Variants in PCLO observed in about 807,000 individuals in gnomAD.
PCLO encodes piccolo presynaptic cytomatrix protein.
PCLO carries 82 observed loss-of-function variants against 427.5 expected under a neutral mutation model. The observed-to-expected ratio is 0.19, with a 90% CI of 0.16 to 0.23. PCLO has a LOEUF of 0.23. PCLO is among the 10% of genes least tolerant of loss of function. The pLI is 1.00. For synonymous variants in PCLO, 2,357 were observed against 2,155.4 expected, an observed-to-expected ratio of 1.09 and a Z score of -2.59; for missense variants, 6,239 against 6,115.9, an observed-to-expected ratio of 1.02 and a Z score of -0.67.
intron 3 of PCLO, among the ~76,000 whole-genome samples, chr7:83,116,874 G>A (rs1373326325): frequency 6.6e-6 from 1 of 152,110 alleles, no homozygotes; most frequent in African/African-American, 2.4e-5. Flanking sequence ...GGGAGGTAAT[G>A]TGGTATTTAC....
intron 22 of PCLO, among the ~76,000 whole-genome samples, chr7:82,784,198 C>G (rs1405678042): frequency 6.6e-6 from 1 of 152,158 alleles, no homozygotes; most frequent in Non-Finnish European, 1.5e-5. Context: ...AATACTGTCC[C>G]ACACCATGTT....
At chr7:82,967,241 T>A (rs1051821655) in intron 3 of PCLO, among the ~76,000 whole-genome samples, 4 of 149,644 alleles carry the variant, frequency 2.7e-5, no homozygotes, top group Non-Finnish European at 1.5e-5. Flanking sequence ...AATGGTGCGA[T>A]CTCGGCTCGC....
chr7:83,004,831 A>T (rs1238631250), intron 3 of PCLO, among the ~76,000 whole-genome samples: 2 of 151,728 alleles, frequency 1.3e-5, no homozygotes, highest in African/African-American at 2.4e-5. Context: ...TCAATAGCAC[A>T]AAACACATAA....
intron 3 of PCLO, among the ~76,000 whole-genome samples, chr7:83,041,049 T>A (rs1361568265): frequency 6.6e-6 from 1 of 152,212 alleles, no homozygotes; most frequent in Non-Finnish European, 1.5e-5. Context: ...AAAACATAAT[T>A]ATTTTGTCTT....
At chr7:82,907,155 T>C (rs1446542805) in intron 8 of PCLO, among the ~76,000 whole-genome samples, 1 of 151,990 alleles carries the variant, frequency 6.6e-6, no homozygotes, top group African/African-American at 2.4e-5. Flanking sequence ...CAAAGAATAT[T>C]AGTTTGATAA....
intron 6 of PCLO, among the ~76,000 whole-genome samples, chr7:82,948,416 T>C (rs1440889092): frequency 1.3e-5 from 2 of 152,184 alleles, no homozygotes; most frequent in African/African-American, 4.8e-5. Flanking sequence ...TCATATATCA[T>C]GACATATTTT....
chr7:82,915,625 A>G lies in PCLO; in HGVS notation c.12361T>C (p.Leu4121=), dbSNP rs1794431886. ...TTAATCTGATGTTTCAGAAGCTTTA[A>G]CTCGTAAGGATCCTCCATTGGGTCT... The part of the protein sequence containing the change: ...EEDPMEDPYE[L]KLLKHQIKQE... The change falls in exon 7 of 25, where the codon TTA becomes CTA. Residue 4121 remains leucine (L), a synonymous_variant. Coordinates refer to ENST00000333891, the MANE Select transcript of PCLO (RefSeq NM_033026.6). The G allele has an allele frequency of 6.2e-7, 1 of 1,613,326 alleles. No homozygotes were observed. The highest frequency in any genetic ancestry group is 1.1e-5 in the South Asian group (1 of 91,068).
chr7:82,900,602 C>A (rs1034704485), intron 9 of PCLO, among the ~76,000 whole-genome samples: 9 of 151,336 alleles, frequency 5.9e-5, no homozygotes, highest in African/African-American at 2.2e-4. Context: ...GCTTCCAGGT[C>A]ATGAAAGGCA....
chr7:83,144,627 G>A (rs369064640), intron 2 of PCLO, among the ~76,000 whole-genome samples: 27 of 151,748 alleles, frequency 1.8e-4, no homozygotes, highest in African/African-American at 4.6e-4. Context: ...TGATTAATCC[G>A]ATTAATCTGC....
intron 3 of PCLO, among the ~76,000 whole-genome samples, chr7:83,065,194 T>C (rs1789637515): frequency 6.6e-6 from 1 of 152,054 alleles, no homozygotes; most frequent in Non-Finnish European, 1.5e-5. Context: ...AGTAGGCTTC[T>C]TGTAGCCACA....
At chr7:83,142,359 C>T (rs1004361594) in intron 2 of PCLO, among the ~76,000 whole-genome samples, 7 of 152,118 alleles carry the variant, frequency 4.6e-5, no homozygotes, top group African/African-American at 1.4e-4. Context: ...TTCTGCAAAC[C>T]GTAACATCTA....
Position 83,156,218 on chromosome 7 carries a change from T to C in PCLO, c.423A>G (p.Arg141=). ...STISLKESKS[R]TDLKEEHKSS... ...ACTTGTGCTCTTCCTTTAAATCAGT[T>C]CTGGACTTTGATTCTTTCAAGCTAA... The change falls in exon 2 of 25, where the codon AGA becomes AGG. Residue 141 remains arginine (R), a synonymous_variant. Transcript: ENST00000333891. 1 of 1,613,806 alleles carries C rather than the reference T, an allele frequency of 6.2e-7. No homozygotes were observed. Among genetic ancestry groups the C allele is most frequent in the Middle Eastern group, 1.6e-4 (1 of 6,062 alleles).
intron 3 of PCLO, among the ~76,000 whole-genome samples, chr7:83,104,382 G>A (rs377077357): frequency 2.0e-5 from 3 of 151,870 alleles, no homozygotes; most frequent in Non-Finnish European, 2.9e-5. Context: ...AATAATATAC[G>A]CAGAGAGTTC....
intron 3 of PCLO, among the ~76,000 whole-genome samples, chr7:83,116,304 C>T (rs1454367123): frequency 6.6e-6 from 1 of 152,034 alleles, no homozygotes; most frequent in Non-Finnish European, 1.5e-5. Context: ...ATTTTAATAA[C>T]GTGGGCTTAC....
intron 3 of PCLO, among the ~76,000 whole-genome samples, chr7:83,012,463 C>A (rs1211976429): frequency 6.6e-6 from 1 of 151,558 alleles, no homozygotes; most frequent in African/African-American, 2.4e-5. Context: ...ACTAAAAATA[C>A]AAAATTAGCC....
At chr7:83,162,259 C>T (rs1792457994) in intron 1 of PCLO, 86 bp downstream of exon 1, 2 of 1,438,676 alleles carry the variant, frequency 1.4e-6, no homozygotes, top group Non-Finnish European at 1.9e-6. Flanking sequence ...ATATATGTAC[C>T]GCCGTGCTGG....
At chr7:82,994,059 C>T (rs1403455404) in intron 3 of PCLO, among the ~76,000 whole-genome samples, 4 of 151,872 alleles carry the variant, frequency 2.6e-5, no homozygotes, top group Admixed American at 1.3e-4. Context: ...TTTAAAATAT[C>T]GAAATAAATG....
intron 3 of PCLO, among the ~76,000 whole-genome samples, chr7:83,043,257 G>A (rs1016666808): frequency 3.3e-5 from 5 of 152,124 alleles, no homozygotes; most frequent in Non-Finnish European, 7.4e-5. Flanking sequence ...GATAGCAATA[G>A]AGGTCGAGAA....
chr7:83,046,429 T>C (rs183504348), intron 3 of PCLO, among the ~76,000 whole-genome samples: 34 of 152,186 alleles, frequency 2.2e-4, no homozygotes, highest in Middle Eastern at 3.4e-3. Flanking sequence ...GAAATGCTAA[T>C]TTTTAAATAA....
Sources: allele counts gnomAD v4.1 joint callset (sites outside exome capture counted in the v4.1 genomes callset), GRCh38; gene constraint gnomAD v4.1.1; transcripts MANE v1.5; gene names NCBI Gene and HGNC (gene_info 2026-07-23, HGNC 2026-07-21).